Variants in KLKB1 observed in about 807,000 individuals in gnomAD.
The protein encoded by KLKB1 is kallikrein B1.
KLKB1 carries 58 observed loss-of-function variants against 73.6 expected under a neutral mutation model. That is an observed-to-expected ratio of 0.79 (90% CI 0.64 to 0.98). The LOEUF is 0.98. Among genes scored for constraint, KLKB1 ranks in the 50% least tolerant of loss-of-function variants. The probability of loss-of-function intolerance (pLI) is 0.00; values close to 1 mark genes in which losing one functional copy is unlikely to be tolerated. For missense variants in KLKB1, 737 were observed against 763.8 expected, an observed-to-expected ratio of 0.96 and a Z score of 0.41; for synonymous variants, 280 against 258.1, an observed-to-expected ratio of 1.08 and a Z score of -0.81.
At chr4:186,251,940 T>A in intron 10 of KLKB1, 77 bp from the exon 11 acceptor site, 2 of 1,606,848 alleles carry the variant, frequency 1.2e-6, no homozygotes, top group Non-Finnish European at 8.5e-7. Context: ...AGGAATTATG[T>A]GTCTTGTTCT....
intron 2 of KLKB1, chr4:186,211,906 C>G (rs1426175934): frequency 1.3e-5 from 2 of 152,102 alleles, no homozygotes; most frequent in Non-Finnish European, 2.9e-5. Flanking sequence ...CATTTAATTC[C>G]TCATAGAATC....
chr4:186,239,083 A>G (rs1469358815), intron 6 of KLKB1, among the ~76,000 whole-genome samples: 3 of 136,478 alleles, frequency 2.2e-5, no homozygotes, highest in African/African-American at 9.0e-5. Flanking sequence ...AAACTAGTAC[A>G]GTGATACTGT....
rs537319004 is a variant in KLKB1 at position 186,245,020 on chromosome 4, T to C, written c.599-5223T>C. 5.9e-5 allele frequency among the ~76,000 whole-genome samples: 9 copies of C among 151,928 alleles called. No homozygotes were observed. In the South Asian group the frequency reaches 1.9e-3, roughly 32 times the overall value. ...GCTTTGAACTGGGGAAAGGGTGGCA[T>C]TGAGGTGTGGCTGTGGCCTAAGAAC... On this transcript the variant is annotated intron_variant, in intron 6 of 14. Coordinates refer to ENST00000264690, the MANE Select transcript of KLKB1 (RefSeq NM_000892.5).
chr4:186,235,020 T>C (rs1220931277), intron 4 of KLKB1, among the ~76,000 whole-genome samples: 2 of 152,222 alleles, frequency 1.3e-5, no homozygotes, highest in Non-Finnish European at 2.9e-5. Flanking sequence ...CTCATTGATA[T>C]CACCTCTTCA....
At chr4:186,236,101 G>A (rs1387521943) in intron 4 of KLKB1, among the ~76,000 whole-genome samples, 9 of 120,394 alleles carry the variant, frequency 7.5e-5, no homozygotes, top group Non-Finnish European at 1.3e-4. Context: ...GCGACAGAGC[G>A]AGACTCCGTC....
chr4:186,258,253 C>G lies in KLKB1; in HGVS notation c.*41C>G, dbSNP rs1273796505. 2 of 1,564,516 alleles carry G rather than the reference C, an allele frequency of 1.3e-6. No homozygotes were observed. The highest frequency in any genetic ancestry group is 1.4e-5 in the African/African-American group (1 of 73,772). ...CTAGGCAATTTTTACAACCTGAGTT[C>G]AAGTCAAATTCTGAGCCTGGGGGGT... On this transcript the variant is annotated 3_prime_UTR_variant, in exon 15 of 15. Coordinates refer to ENST00000264690, the MANE Select transcript of KLKB1 (RefSeq NM_000892.5).
intron 6 of KLKB1, among the ~76,000 whole-genome samples, chr4:186,249,898 C>T (rs984623041): frequency 2.0e-5 from 3 of 147,732 alleles, no homozygotes; most frequent in African/African-American, 7.4e-5. Flanking sequence ...CAGGAAAATA[C>T]AACAAAAAAA....
intron 7 of KLKB1, chr4:186,250,938 ATTTT>A (rs998969807): frequency 2.3e-6 from 1 of 438,724 alleles, no homozygotes; most frequent in Non-Finnish European, 4.1e-6. Context: ...TTGTTCTTTG[ATTTT>A]TTTGTTTGTT....
chr4:186,229,327 G>A (rs146172727), intron 2 of KLKB1, among the ~76,000 whole-genome samples: 29 of 152,190 alleles, frequency 1.9e-4, no homozygotes, highest in East Asian at 5.8e-4. Flanking sequence ...AACAGTCATC[G>A]TTAAACATCT....
intron 3 of KLKB1, 120 bp from the exon 4 acceptor site, chr4:186,233,832 G>T: frequency 1.4e-6 from 1 of 731,012 alleles, no homozygotes; most frequent in South Asian, 1.5e-5. Context: ...AGCAAGTATT[G>T]GGGAAGCTAT....
Position 186,237,033 on chromosome 4 carries a change from CA to C in KLKB1, c.488+96del. ...CCTCTTTTGTTCCCAAACTAAAAACCAAACAGGGCTTTTATTCTAACCACTT... is the reference window on the plus strand; with the variant it reads ...CCTCTTTTGTTCCCAAACTAAAAACCAACAGGGCTTTTATTCTAACCACTT... On this transcript the variant is annotated intron_variant, in intron 5 of 14. Coordinates refer to ENST00000264690, the MANE Select transcript of KLKB1 (RefSeq NM_000892.5). 2.1e-5 allele frequency: 27 copies of C among 1,266,018 alleles called. No homozygotes were observed. In the South Asian group the frequency reaches 3.2e-4, roughly 15 times the overall value. The allele number at this position is 1,266,018 out of a possible 1,614,324, so 78.4% of individuals were successfully genotyped here. A position where few individuals can be genotyped will look rare whatever the true frequency, so the allele number is the denominator to read the frequency against.
At chr4:186,214,261 G>A (rs774992104) in intron 2 of KLKB1, among the ~76,000 whole-genome samples, 39 of 152,220 alleles carry the variant, frequency 2.6e-4, no homozygotes, top group Non-Finnish European at 5.1e-4. Context: ...AGGTGATGCT[G>A]AGGCTCACTG....
At chr4:186,246,007 G>T (rs1307103030) in intron 6 of KLKB1, among the ~76,000 whole-genome samples, 2 of 151,784 alleles carry the variant, frequency 1.3e-5, no homozygotes, top group African/African-American at 4.8e-5. Flanking sequence ...TGATTTGGGA[G>T]AGGTCGGATA....
In KLKB1 at chr4:186,258,086, C is replaced by G. The variant is rs1453754651; in HGVS notation, c.1791C>G (p.Ser597Arg). Reference protein sequence around the residue: ...NGMWRLVGITSWGEGCARREQ... With the variant: ...NGMWRLVGITRWGEGCARREQ... ...TGTGGCGTTTGGTGGGCATCACCAG[C>G]TGGGGTGAAGGCTGTGCCCGCAGGG... The change falls in exon 15 of 15, where the codon AGC becomes AGG. Residue 597 changes from serine to arginine, a missense_variant. Coordinates refer to ENST00000264690, the MANE Select transcript of KLKB1 (RefSeq NM_000892.5). 7 of 1,614,106 alleles carry G rather than the reference C, an allele frequency of 4.3e-6. No homozygotes were observed. The highest frequency in any genetic ancestry group is 5.9e-6 in the Non-Finnish European group (7 of 1,179,976).
At chr4:186,248,052 C>T (rs1194123757) in intron 6 of KLKB1, among the ~76,000 whole-genome samples, 1 of 152,068 alleles carries the variant, frequency 6.6e-6, no homozygotes, top group Non-Finnish European at 1.5e-5. Flanking sequence ...TTGAAACCAT[C>T]CTGGGTAACA....
intron 2 of KLKB1, among the ~76,000 whole-genome samples, chr4:186,217,512 G>C (rs2126611514): frequency 6.6e-6 from 1 of 152,114 alleles, no homozygotes; most frequent in South Asian, 2.1e-4. Flanking sequence ...AATAAATGTA[G>C]TTCTGCATTC....
At chr4:186,233,673 T>C (rs139372242) in intron 3 of KLKB1, among the ~76,000 whole-genome samples, 2 of 152,340 alleles carry the variant, frequency 1.3e-5, no homozygotes, top group East Asian at 3.9e-4. Flanking sequence ...AGAACATAGT[T>C]GCCTGAAAGT....
rs1009157355 is a variant in KLKB1 at position 186,233,349 on chromosome 4, T to C, written c.222-603T>C. Among the ~76,000 whole-genome samples the C allele has an allele frequency of 3.9e-5, 6 of 152,248 alleles. 1 individual carries two copies. Among genetic ancestry groups the C allele is most frequent in the Non-Finnish European group, 8.8e-5 (6 of 68,048 alleles). ...TCCCATTTCCATGTTCATAACTCTT[T>C]ACTCATCTTCACTCTATGTGAGTTT... On this transcript the variant is annotated intron_variant, in intron 3 of 14. Transcript: ENST00000264690.
chr4:186,242,472 C>G (rs4253273), intron 6 of KLKB1, among the ~76,000 whole-genome samples: 105,332 of 151,930 alleles, frequency 0.69, 36,739 homozygotes, highest in East Asian at 0.86. Context: ...TGGGAACCTA[C>G]AGTGGGAGAG....
Sources: allele counts gnomAD v4.1 joint callset (sites outside exome capture counted in the v4.1 genomes callset), GRCh38; gene constraint gnomAD v4.1.1; transcripts MANE v1.5; gene names NCBI Gene and HGNC (gene_info 2026-07-23, HGNC 2026-07-21).